FAM107B: variants seen among roughly 807,000 people sequenced by gnomAD.
The protein encoded by FAM107B is family with sequence similarity 107 member B.
A neutral mutation model predicts 31.5 loss-of-function variants in FAM107B; 21 were observed. The observed-to-expected ratio is 0.67, with a 90% CI of 0.47 to 0.96. The LOEUF (loss-of-function observed/expected upper bound fraction) is 0.96. Ranked by LOEUF, FAM107B falls within the 40% of genes least tolerant of loss-of-function variation. The probability of loss-of-function intolerance (pLI) is 0.00; values close to 1 mark genes in which losing one functional copy is unlikely to be tolerated. For missense variants in FAM107B, 452 were observed against 377.1 expected (o/e 1.20, Z -1.64); for synonymous variants, 157 against 141.5 (o/e 1.11, Z -0.78).
chr10:14,530,312 T>C lies in FAM107B; in HGVS notation c.653+20A>G, dbSNP rs756007852. ...TAAAAGTCCTCTTAAAAAAAAAATA[T>C]GCTCAAGAAACCATTTTACCTTTTT... On this transcript the variant is annotated intron_variant, in intron 3 of 4. Transcript: ENST00000181796. 101 of 1,589,610 alleles carry C rather than the reference T, an allele frequency of 6.4e-5. No individual in the cohort carries two copies. The highest frequency in any genetic ancestry group is 6.0e-6 in the Non-Finnish European group (7 of 1,172,050).
intron 1 of FAM107B, among the ~76,000 whole-genome samples, chr10:14,742,935 T>C (rs769747136): frequency 2.1e-4 from 32 of 152,348 alleles, no homozygotes; most frequent in Non-Finnish European, 8.8e-5. Context: ...TCCACCAAGA[T>C]CAAATGCACA....
intron 2 of FAM107B, chr10:14,571,991 C>G: frequency 1.0e-6 from 1 of 985,394 alleles, no homozygotes; most frequent in African/African-American, 1.7e-5. Flanking sequence ...AAGAATGCAC[C>G]TTCTGACTGT....
intron 2 of FAM107B, among the ~76,000 whole-genome samples, chr10:14,564,493 C>T (rs1175548003): frequency 6.6e-6 from 1 of 150,638 alleles, no homozygotes; most frequent in African/African-American, 2.5e-5. Context: ...GACTACCTCA[C>T]CACTTATTTG....
chr10:14,533,111 G>T (rs534028439), intron 2 of FAM107B, among the ~76,000 whole-genome samples: 77 of 152,310 alleles, frequency 5.1e-4, no homozygotes, highest in African/African-American at 1.9e-3. Flanking sequence ...GTTCTGAGCA[G>T]AGTAATGACG....
chr10:14,562,078 G>T (rs1253539651), intron 2 of FAM107B, among the ~76,000 whole-genome samples: 1 of 152,172 alleles, frequency 6.6e-6, no homozygotes, highest in Non-Finnish European at 1.5e-5. Flanking sequence ...GAGCCACTAC[G>T]CCCGGCCTTA....
intron 2 of FAM107B, among the ~76,000 whole-genome samples, chr10:14,620,914 A>T (rs1032335702): frequency 1.2e-4 from 18 of 152,232 alleles, no homozygotes; most frequent in African/African-American, 4.3e-4. Flanking sequence ...ACATTTTGTT[A>T]AAGTAATCCC....
intron 2 of FAM107B, among the ~76,000 whole-genome samples, chr10:14,645,151 A>G (rs936421490): frequency 1.4e-4 from 22 of 152,336 alleles, no homozygotes; most frequent in African/African-American, 4.1e-4. Context: ...ACTTAGTTAC[A>G]ACAGGGCCCC....
At chr10:14,635,748 C>T (rs1390384461) in intron 2 of FAM107B, among the ~76,000 whole-genome samples, 1 of 152,166 alleles carries the variant, frequency 6.6e-6, no homozygotes, top group Admixed American at 6.5e-5. Context: ...TCTCCTGCCT[C>T]AGCCTCCCAA....
chr10:14,546,482 T>C (rs1228755413), intron 2 of FAM107B, among the ~76,000 whole-genome samples: 1 of 152,234 alleles, frequency 6.6e-6, no homozygotes, highest in African/African-American at 2.4e-5. Flanking sequence ...TAATAACAGC[T>C]CGACAGTTTT....
At chr10:14,647,661 G>A (rs1853791302) in intron 2 of FAM107B, among the ~76,000 whole-genome samples, 1 of 149,302 alleles carries the variant, frequency 6.7e-6, no homozygotes, top group African/African-American at 2.5e-5. Flanking sequence ...ACTCCAACCT[G>A]GGTGACAAAG....
intron 1 of FAM107B, among the ~76,000 whole-genome samples, chr10:14,719,970 C>T (rs575123493): frequency 6.4e-5 from 9 of 141,610 alleles, no homozygotes; most frequent in South Asian, 5.0e-4. Context: ...TGGGCCCTGA[C>T]GGACTGGGTA....
At chr10:14,570,454 T>G (rs970247482) in intron 2 of FAM107B, among the ~76,000 whole-genome samples, 1 of 152,164 alleles carries the variant, frequency 6.6e-6, no homozygotes, top group Admixed American at 6.5e-5. Flanking sequence ...GGAAATGCTG[T>G]TTCCACAGTG....
At chr10:14,594,794 T>C (rs1053431016) in intron 2 of FAM107B, among the ~76,000 whole-genome samples, 2 of 152,192 alleles carry the variant, frequency 1.3e-5, no homozygotes, top group Admixed American at 6.5e-5. Context: ...CAGAAAATAA[T>C]GGCCATAACT....
intron 1 of FAM107B, among the ~76,000 whole-genome samples, chr10:14,740,450 C>T (rs189004842): frequency 1.7e-4 from 26 of 152,076 alleles, no homozygotes; most frequent in South Asian, 4.2e-4. Context: ...CATTGGGGTA[C>T]GGGGGAAGGA....
chr10:14,742,093 G>A (rs574328349), intron 1 of FAM107B, among the ~76,000 whole-genome samples: 1 of 151,982 alleles, frequency 6.6e-6, no homozygotes, highest in African/African-American at 2.4e-5. Context: ...ATTTCCACAG[G>A]TGTTTGGGGA....
At chr10:14,548,559 C>T in intron 2 of FAM107B, 2 of 985,444 alleles carry the variant, frequency 2.0e-6, no homozygotes, top group Non-Finnish European at 2.4e-6. Flanking sequence ...CTTCTCCTAG[C>T]CCTGCCTCAG....
At chr10:14,726,578 C>T (rs1856041531) in intron 1 of FAM107B, among the ~76,000 whole-genome samples, 1 of 152,112 alleles carries the variant, frequency 6.6e-6, no homozygotes, top group Admixed American at 6.6e-5. Context: ...TCATGCTTCC[C>T]CCTGGAAGCC....
At chr10:14,670,624 T>G (rs936412720) in intron 1 of FAM107B, among the ~76,000 whole-genome samples, 3 of 152,234 alleles carry the variant, frequency 2.0e-5, no homozygotes, top group African/African-American at 4.8e-5. Context: ...GTTTACTTTT[T>G]TATTGCTCTG....
In FAM107B at chr10:14,774,373, A is replaced by C. The variant is rs1833373450; in HGVS notation, c.291T>G (p.Thr97=). ...CAGGCGTCTCCGCGGGCTGGGCCGC[A>C]GTGCGGTGACTTGAATTCCGATTCG... ...GSANRNSSHR[T]AAQPAETPED... is the part of the protein sequence containing the mutation. Residue 97 remains threonine, a synonymous_variant, in exon 1 of 5, where the codon ACT becomes ACG. Coordinates refer to ENST00000181796, the MANE Select transcript of FAM107B (RefSeq NM_031453.4). 1 of 1,614,100 alleles carries C rather than the reference A, an allele frequency of 6.2e-7. No homozygotes were observed. Among genetic ancestry groups the C allele is most frequent in the African/African-American group, 1.3e-5 (1 of 74,944 alleles).
Sources: allele counts gnomAD v4.1 joint callset (sites outside exome capture counted in the v4.1 genomes callset), GRCh38; gene constraint gnomAD v4.1.1; transcripts MANE v1.5; gene names NCBI Gene and HGNC (gene_info 2026-07-23, HGNC 2026-07-21).